Variants in BSND observed in about 807,000 individuals in gnomAD.
BSND encodes barttin CLCNK type accessory subunit beta.
Under a neutral mutation model 18.8 loss-of-function variants are expected in BSND, and 13 were observed. The observed-to-expected ratio is 0.69, with a 90% CI of 0.45 to 1.10. The LOEUF (loss-of-function observed/expected upper bound fraction) is 1.10, where lower values mean the gene tolerates loss of function less well. Ranked by LOEUF, BSND falls within the 50% of genes least tolerant of loss-of-function variation. The pLI is 0.00. For synonymous variants in BSND, 170 were observed against 161.8 expected (o/e 1.05, Z -0.39); for missense variants, 379 against 416.7 (o/e 0.91, Z 0.79).
rs566704586 is a variant in BSND at position 55,013,124 on chromosome 1, C to T, written c.*4496C>T. Among the ~76,000 whole-genome samples, 55 of 152,288 alleles carry T rather than the reference C, an allele frequency of 3.6e-4. No homozygotes were observed. The highest frequency in any genetic ancestry group is 3.7e-4 in the Non-Finnish European group (25 of 68,026). Reference sequence around the variant, plus strand: ...ACTTTTCTTCATTTCATCCTCGCAGCTTGCAAGGTTGGTGTATTGTCCCCA... The same window carrying T: ...ACTTTTCTTCATTTCATCCTCGCAGTTTGCAAGGTTGGTGTATTGTCCCCA... On this transcript the variant is annotated 3_prime_UTR_variant, in exon 4 of 4. Coordinates refer to ENST00000651561, the MANE Select transcript of BSND (RefSeq NM_057176.3).
chr1:55,009,431 A>C lies in BSND; in HGVS notation c.*803A>C, dbSNP rs2495512. ...CCTCCCGTTGAAGGGCAGCATCTTG[A>C]CTTTACTCACCTTGAGATCGCCTGT... On this transcript the variant is annotated 3_prime_UTR_variant, in exon 4 of 4. Transcript: ENST00000651561. The C allele has an allele frequency of 0.42, 63,615 of 152,186 alleles. 13,707 individuals carry two copies. The highest frequency in any genetic ancestry group is 0.49 in the African/African-American group (20,398 of 41,432). The allele number at this position is 152,186 out of a possible 1,614,324, so 9.4% of individuals were successfully genotyped here.
In BSND at chr1:54,998,940, A is replaced by C; in HGVS notation, c.-247A>C. 6 of 519,450 alleles carry C rather than the reference A, an allele frequency of 1.2e-5. No individual in the cohort carries two copies. Among genetic ancestry groups the C allele is most frequent in the East Asian group, 6.8e-5 (2 of 29,626 alleles). The allele number at this position is 519,450 out of a possible 1,614,324, so 32.2% of individuals were successfully genotyped here. A position where few individuals can be genotyped will look rare whatever the true frequency, so the allele number is the denominator to read the frequency against. On this transcript the variant is annotated 5_prime_UTR_variant, in exon 1 of 4. Coordinates refer to ENST00000651561, the MANE Select transcript of BSND (RefSeq NM_057176.3). ...TCCAGGCCAGCCGGGCCCAGAGGGA[A>C]GGTGAGAGGGCAAGGAGTAAAGGTG...
Position 55,008,483 on chromosome 1 carries a change from C to T in BSND, c.818C>T (p.Thr273Ile). 1 of 1,614,148 alleles carries T rather than the reference C, an allele frequency of 6.2e-7. No individual in the cohort carries two copies. ...LPNNWQRYPR[T>I]KVEEKEASDT... ...AACAACTGGCAGCGGTACCCAAGGA[C>T]AAAGGTGGAGGAGAAGGAGGCTTCG... The change falls in exon 4 of 4, where the codon ACA becomes ATA. Residue 273 changes from threonine to isoleucine, a missense_variant. Thr to Ile is a moderately conservative substitution (Grantham distance 89). Transcript: ENST00000651561.
intron 1 of BSND, 85 bp from the exon 2 acceptor site, chr1:55,004,937 T>C: frequency 7.1e-6 from 9 of 1,259,980 alleles, no homozygotes; most frequent in Non-Finnish European, 1.0e-5. Flanking sequence ...CCAGAGCTCA[T>C]GGAGAGGTTT....
chr1:55,005,929 C>A (rs2101648040), intron 2 of BSND, among the ~76,000 whole-genome samples: 1 of 151,686 alleles, frequency 6.6e-6, no homozygotes, highest in East Asian at 1.9e-4. Flanking sequence ...GAATTCAGGC[C>A]TGATCTGGCC....
chr1:55,003,865 C>T (rs1339844044), intron 1 of BSND, among the ~76,000 whole-genome samples: 6 of 152,182 alleles, frequency 3.9e-5, no homozygotes, highest in South Asian at 4.1e-4. Context: ...GTAAAATACA[C>T]GTAACATAAA....
At chr1:55,005,848 A>G (rs1644389016) in intron 2 of BSND, among the ~76,000 whole-genome samples, 1 of 151,468 alleles carries the variant, frequency 6.6e-6, no homozygotes, top group Admixed American at 6.5e-5. Context: ...GGAGTCAGTG[A>G]TGGAAGCCGG....
rs567645778 is a variant in BSND at position 55,015,223 on chromosome 1, C to T, written c.*6595C>T. ...CGGCAGGGATTTCATTCTCAACCTGCCCTGTGAAAGGTTTTTTCCACTCAT... is the reference window on the plus strand; with the variant it reads ...CGGCAGGGATTTCATTCTCAACCTGTCCTGTGAAAGGTTTTTTCCACTCAT... On this transcript the variant is annotated 3_prime_UTR_variant, in exon 4 of 4. Coordinates refer to ENST00000651561, the MANE Select transcript of BSND (RefSeq NM_057176.3). Among the ~76,000 whole-genome samples the T allele has an allele frequency of 2.0e-5, 3 of 152,344 alleles. No homozygotes were observed. The highest frequency in any genetic ancestry group is 1.9e-4 in the East Asian group (1 of 5,192).
chr1:55,004,897 C>T (rs1644381812), intron 1 of BSND, 125 bp from the exon 2 acceptor site: 4 of 834,918 alleles, frequency 4.8e-6, no homozygotes, highest in Non-Finnish European at 8.0e-6. Context: ...TCCTGTCAAG[C>T]AGGGAGGCCT....
Position 55,007,076 on chromosome 1 carries a change from CAGATGAAAGT to C in BSND, c.353_362del (p.Gln118ProfsTer2). 1 of 1,614,194 alleles carries C rather than the reference CAGATGAAAGT, an allele frequency of 6.2e-7. No individual in the cohort carries two copies. The highest frequency in any genetic ancestry group is 8.5e-7 in the Non-Finnish European group (1 of 1,180,050). On this transcript the variant is annotated frameshift_variant, in exon 3 of 4. Coordinates refer to ENST00000651561, the MANE Select transcript of BSND (RefSeq NM_057176.3). LOFTEE classifies it high-confidence loss of function. ...GAGCCTGCCTGACTTCAGCCACATC[CAGATGAAAGT>C]CATGAGCTACAGTGAGGACCACCGC...
chr1:55,004,973 C>T, intron 1 of BSND, 49 bp from the exon 2 acceptor site: 4 of 1,567,066 alleles, frequency 2.6e-6, no homozygotes, highest in Non-Finnish European at 3.5e-6. Flanking sequence ...GGACAGTAGC[C>T]CCCCTACCCT....
chr1:54,999,783 A>G (rs1270537378), intron 1 of BSND, among the ~76,000 whole-genome samples: 1 of 152,194 alleles, frequency 6.6e-6, no homozygotes, highest in Non-Finnish European at 1.5e-5. Context: ...AGGTCCAGAA[A>G]GAGAGGCTGC....
At chr1:55,002,464 G>T (rs931718311) in intron 1 of BSND, among the ~76,000 whole-genome samples, 3 of 152,192 alleles carry the variant, frequency 2.0e-5, no homozygotes, top group African/African-American at 7.2e-5. Flanking sequence ...CCAGGACCAG[G>T]GTCCTGACTG....
rs771426452 is a variant in BSND at position 55,006,960 on chromosome 1, A to G, written c.273-37A>G. The G allele has an allele frequency of 3.1e-6, 5 of 1,612,424 alleles. No homozygotes were observed. The East Asian group carries it at 6.7e-5, about 22-fold the overall frequency. ...GGAGAACACTGGTGTTTGCTGAGTGACTCTTTGCCGCCTGCCTGTTCTCTC... is the reference window on the plus strand; with the variant it reads ...GGAGAACACTGGTGTTTGCTGAGTGGCTCTTTGCCGCCTGCCTGTTCTCTC... On this transcript the variant is annotated intron_variant, in intron 2 of 3. Coordinates refer to ENST00000651561, the MANE Select transcript of BSND (RefSeq NM_057176.3).
chr1:55,004,690 G>A (rs1240550812), intron 1 of BSND, among the ~76,000 whole-genome samples: 1 of 152,234 alleles, frequency 6.6e-6, no homozygotes, highest in Non-Finnish European at 1.5e-5. Context: ...GGCACTGGAC[G>A]AAGACCCCTG....
rs919062481 is a variant in BSND, at chr1:55,010,287, G to A, written c.*1659G>A. On this transcript the variant is annotated 3_prime_UTR_variant, in exon 4 of 4. Transcript: ENST00000651561. ...CCTCCCAGCTGTTTGGGGCAGTTGA[G>A]TATGGTGGGGAAATAGCTCAAGCTG... 1 of 152,316 alleles carries A rather than the reference G, an allele frequency of 6.6e-6. No homozygotes were observed. Among genetic ancestry groups the A allele is most frequent in the African/African-American group, 2.4e-5 (1 of 41,434 alleles). The allele number at this position is 152,316 out of a possible 1,614,324, so 9.4% of individuals were successfully genotyped here.
rs1395869816 is a variant in BSND, at chr1:55,003,305, C to T, written c.178-1717C>T. ...GTGCAATCATAGCTCACTGCAGCCT[C>T]GAACTCCTGGGATCAACCAATCCTC... On this transcript the variant is annotated intron_variant, in intron 1 of 3. Transcript: ENST00000651561. Among the ~76,000 whole-genome samples, 5 of 152,216 alleles carry T rather than the reference C, an allele frequency of 3.3e-5. No homozygotes were observed. In the East Asian group the frequency reaches 5.8e-4, roughly 18 times the overall value.
In BSND at chr1:54,999,210, G is replaced by A. The variant is rs1326080967; in HGVS notation, c.24G>A (p.Arg8=). 1.9e-6 allele frequency: 3 copies of A among 1,614,040 alleles called. No individual in the cohort carries two copies. The African/African-American group carries it at 4.0e-5, about 22-fold the overall frequency. The change falls in exon 1 of 4, where the codon CGG becomes CGA. Residue 8 remains arginine (R), a synonymous_variant. Coordinates refer to ENST00000651561, the MANE Select transcript of BSND (RefSeq NM_057176.3). MADEKTF[R]IGFIVLGLFL... is the part of the protein sequence containing the mutation. The stretch of plus-strand genomic sequence containing the variant: ...CCATGGCTGACGAGAAGACCTTCCG[G>A]ATCGGCTTCATTGTGCTGGGGCTTT...
At chr1:55,002,411 C>A (rs140308001) in intron 1 of BSND, among the ~76,000 whole-genome samples, 1 of 152,308 alleles carries the variant, frequency 6.6e-6, no homozygotes, top group Non-Finnish European at 1.5e-5. Context: ...GGGTCTCTGC[C>A]CACGCATCCC....
Sources: allele counts gnomAD v4.1 joint callset (sites outside exome capture counted in the v4.1 genomes callset), GRCh38; gene constraint gnomAD v4.1.1; transcripts MANE v1.5; gene names NCBI Gene and HGNC (gene_info 2026-07-23, HGNC 2026-07-21).